The following SUPT3H variants were observed in gnomAD, a reference collection of about 807,000 sequenced individuals.
SUPT3H encodes the protein SPT3 homolog, SAGA and STAGA complex component.
In SUPT3H, 44 loss-of-function variants were observed where a neutral mutation model predicts 44.3. The observed-to-expected ratio is 0.99, with a 90% CI of 0.78 to 1.28. The LOEUF is 1.28. SUPT3H is among the 50% of genes most tolerant of loss of function. The probability of loss-of-function intolerance (pLI) is 0.00; values close to 1 mark genes in which losing one functional copy is unlikely to be tolerated. For missense variants in SUPT3H, 380 were observed against 387.1 expected (o/e 0.98, Z 0.15); for synonymous variants, 124 against 125.6 (o/e 0.99, Z 0.09).
intron 6 of SUPT3H, among the ~76,000 whole-genome samples, chr6:44,966,038 C>G (rs1582800873): frequency 6.6e-6 from 1 of 151,922 alleles, no homozygotes; most frequent in African/African-American, 2.4e-5. Flanking sequence ...TTTACAAATC[C>G]CAGGGAGACA....
chr6:45,067,862 G>A (rs1198953865), intron 3 of SUPT3H, among the ~76,000 whole-genome samples: 2 of 147,006 alleles, frequency 1.4e-5, no homozygotes, highest in Non-Finnish European at 3.0e-5. Flanking sequence ...TACACTGTTG[G>A]TGGGACTGTA....
At chr6:45,024,844 A>T (rs1349631226) in intron 3 of SUPT3H, among the ~76,000 whole-genome samples, 1 of 152,146 alleles carries the variant, frequency 6.6e-6, no homozygotes, top group Non-Finnish European at 1.5e-5. Flanking sequence ...AAGGCTGAGT[A>T]AGAGGAAACA....
At chr6:44,957,777 AAATG>A (rs1488642688) in intron 7 of SUPT3H, among the ~76,000 whole-genome samples, 1 of 152,178 alleles carries the variant, frequency 6.6e-6, no homozygotes, top group East Asian at 1.9e-4. Context: ...AGAAATGAAT[AAATG>A]AATGAAGTAT....
At position 45,095,609 on chromosome 6, in the gene SUPT3H, A is replaced by G. The variant is rs57034616; in HGVS notation, c.186+10313T>C. Among the ~76,000 whole-genome samples, 919 of 152,328 alleles carry G rather than the reference A, an allele frequency of 6.0e-3. 14 individuals carry two copies. Among genetic ancestry groups the G allele is most frequent in the African/African-American group, 0.021 (878 of 41,588 alleles). ...ACTACACAGCTTACTACTGACTGGT[A>G]GATTCATACAGTGAAAATCTAATAT... On this transcript the variant is annotated intron_variant, in intron 3 of 10. Transcript: ENST00000371459. This position sits in a 1 kb window ranked among gnomAD's most constrained non-coding sequence, Gnocchi z 4.1.
intron 2 of SUPT3H, among the ~76,000 whole-genome samples, chr6:45,266,216 G>A (rs549771899): frequency 5.1e-4 from 77 of 151,862 alleles, no homozygotes; most frequent in Admixed American, 1.0e-3. Flanking sequence ...GGATTTAGCC[G>A]TTATTCCCGG....
At chr6:45,328,598 G>T (rs1786821628) in intron 2 of SUPT3H, 1 of 1,601,404 alleles carries the variant, frequency 6.2e-7, no homozygotes, top group Non-Finnish European at 8.5e-7. Context: ...TAAATATAAA[G>T]TCTATGTACT....
At chr6:45,070,194 C>G (rs966892814) in intron 3 of SUPT3H, among the ~76,000 whole-genome samples, 2 of 151,962 alleles carry the variant, frequency 1.3e-5, no homozygotes, top group African/African-American at 4.8e-5. Flanking sequence ...AATCTGGAAA[C>G]TTAAGGGGAA....
Position 45,003,713 on chromosome 6 carries a change from T to A in SUPT3H, c.444A>T (p.Gly148=). Residue 148 remains glycine (G), a synonymous_variant, in exon 6 of 11, where the codon GGA becomes GGT. Coordinates refer to ENST00000371459, the MANE Select transcript of SUPT3H (RefSeq NM_003599.4). ...CATCTTCAAACATTGCTAAAAGTTCTCCTGTCTGGTCAATAGAGTTGAGGA... is the reference window on the plus strand; with the variant it reads ...CATCTTCAAACATTGCTAAAAGTTCACCTGTCTGGTCAATAGAGTTGAGGA... The part of the protein sequence containing the change: ...QDFLNSIDQT[G]ELLAMFEDDE... The A allele has an allele frequency of 1.9e-6, 3 of 1,613,890 alleles. No individual in the cohort carries two copies. Among genetic ancestry groups the A allele is most frequent in the Non-Finnish European group, 2.5e-6 (3 of 1,179,842 alleles).
intron 2 of SUPT3H, among the ~76,000 whole-genome samples, chr6:45,169,254 A>C (rs1229493231): frequency 1.3e-5 from 2 of 152,310 alleles, no homozygotes; most frequent in African/African-American, 4.8e-5. Flanking sequence ...TTACTACTCA[A>C]ATGCATTCTT....
chr6:45,098,874 T>A, intron 3 of SUPT3H: 1 of 548,386 alleles, frequency 1.8e-6, no homozygotes, highest in Non-Finnish European at 3.6e-6. Context: ...AGTCCTTTGA[T>A]AAGTTGATTG....
intron 10 of SUPT3H, among the ~76,000 whole-genome samples, chr6:44,896,363 A>G (rs1278971290): frequency 6.6e-6 from 1 of 151,916 alleles, no homozygotes; most frequent in Admixed American, 6.6e-5. Context: ...TGTTCTAAGG[A>G]CCTCACATAT....
chr6:45,131,915 G>A (rs954735720), intron 2 of SUPT3H, among the ~76,000 whole-genome samples: 3 of 152,040 alleles, frequency 2.0e-5, no homozygotes, highest in African/African-American at 7.3e-5. Flanking sequence ...ACACTCCATG[G>A]ATGCCTGAAA....
intron 6 of SUPT3H, among the ~76,000 whole-genome samples, chr6:44,973,304 C>A (rs1032352386): frequency 3.3e-5 from 5 of 152,178 alleles, no homozygotes; most frequent in Admixed American, 3.3e-4. Flanking sequence ...GGAAAAAATG[C>A]TGCCAGTCTC....
intron 2 of SUPT3H, among the ~76,000 whole-genome samples, chr6:45,302,637 T>C (rs1023450599): frequency 4.6e-5 from 7 of 150,878 alleles, no homozygotes; most frequent in African/African-American, 1.7e-4. Context: ...CAAATTGTAC[T>C]GCTGTAAACA....
At chr6:45,066,255 C>G (rs1307327556) in intron 3 of SUPT3H, among the ~76,000 whole-genome samples, 1 of 152,054 alleles carries the variant, frequency 6.6e-6, no homozygotes, top group Non-Finnish European at 1.5e-5. Flanking sequence ...TGACAAAATT[C>G]AACAACTCCT....
At chr6:44,859,426 C>T (rs1393513263) in intron 10 of SUPT3H, among the ~76,000 whole-genome samples, 1 of 152,122 alleles carries the variant, frequency 6.6e-6, no homozygotes, top group Non-Finnish European at 1.5e-5. Context: ...TAAATAATGT[C>T]TAAGCTTCCC....
At chr6:45,244,040 C>A (rs573253022) in intron 2 of SUPT3H, among the ~76,000 whole-genome samples, 2 of 152,204 alleles carry the variant, frequency 1.3e-5, no homozygotes, top group Admixed American at 1.3e-4. Flanking sequence ...TGCCACCACA[C>A]CTGGCTAATT....
At position 45,323,578 on chromosome 6, in the gene SUPT3H, G is replaced by A. The variant is rs145019430; in HGVS notation, c.101+41623C>T. Among the ~76,000 whole-genome samples the A allele has an allele frequency of 2.1e-3, 324 of 152,090 alleles. 1 individual carries two copies. Among genetic ancestry groups the A allele is most frequent in the African/African-American group, 7.5e-3 (311 of 41,526 alleles). On this transcript the variant is annotated intron_variant, in intron 2 of 10. Coordinates refer to ENST00000371459, the MANE Select transcript of SUPT3H (RefSeq NM_003599.4). ...TCCCACCCCCAACTTGGCAATAAAAGACATCTTAAAACAAATTGTAACGAA... is the reference window on the plus strand; with the variant it reads ...TCCCACCCCCAACTTGGCAATAAAAAACATCTTAAAACAAATTGTAACGAA...
intron 2 of SUPT3H, among the ~76,000 whole-genome samples, chr6:45,280,457 G>C (rs779294155): frequency 1.7e-4 from 26 of 152,104 alleles, no homozygotes; most frequent in Non-Finnish European, 3.2e-4. Flanking sequence ...GGTGAGCCAA[G>C]ATCATGCCAC....
Sources: gnomAD v4.1 joint callset for allele counts (sites outside exome capture counted in the v4.1 genomes callset) on GRCh38, gnomAD v4.1.1 for gene constraint, Gnocchi (gnomAD v3.1) non-coding constraint, MANE v1.5 for transcripts, NCBI Gene and HGNC (gene_info 2026-07-23, HGNC 2026-07-21) for gene names.